Variants in NAALADL2 observed in about 807,000 individuals in gnomAD.
NAALADL2 encodes inactive N-acetylated-alpha-linked acidic dipeptidase-like protein 2.
NAALADL2 carries 76 observed loss-of-function variants against 87.2 expected under a neutral mutation model. That is an observed-to-expected ratio of 0.87 (90% CI 0.72 to 1.05). The LOEUF (loss-of-function observed/expected upper bound fraction) is 1.05, where lower values mean the gene tolerates loss of function less well. NAALADL2 is among the 50% of genes least tolerant of loss of function. The pLI, the probability that NAALADL2 is intolerant of heterozygous loss-of-function variation, is 0.00. For synonymous variants in NAALADL2, 354 were observed against 331.0 expected (o/e 1.07, Z -0.75); for missense variants, 1,089 against 945.8 (o/e 1.15, Z -1.99).
At chr3:174,595,142 C>A (rs1717756594) in intron 2 of NAALADL2, among the ~76,000 whole-genome samples, 1 of 152,136 alleles carries the variant, frequency 6.6e-6, no homozygotes, top group Admixed American at 6.5e-5. Flanking sequence ...TCACTAAATG[C>A]ACAGTTGAGA....
chr3:175,370,361 C>G (rs1031190952), intron 5 of NAALADL2, among the ~76,000 whole-genome samples: 1 of 151,942 alleles, frequency 6.6e-6, no homozygotes, highest in South Asian at 2.1e-4. Context: ...ATGTTAGAAA[C>G]TTATTTTATA....
chr3:175,441,399 G>A (rs1719733460), intron 5 of NAALADL2, among the ~76,000 whole-genome samples: 1 of 152,138 alleles, frequency 6.6e-6, no homozygotes, highest in Non-Finnish European at 1.5e-5. Flanking sequence ...AGCATATGCA[G>A]AATTTGGTAT....
intron 9 of NAALADL2, among the ~76,000 whole-genome samples, chr3:175,517,726 A>G (rs1428357498): frequency 6.6e-6 from 1 of 152,022 alleles, no homozygotes. Flanking sequence ...TGAGTTTAGG[A>G]GTAGAGTCTC....
At chr3:174,879,349 T>C (rs1290073064) in intron 1 of NAALADL2, among the ~76,000 whole-genome samples, 1 of 152,076 alleles carries the variant, frequency 6.6e-6, no homozygotes, top group Non-Finnish European at 1.5e-5. Context: ...TCATTGTAGA[T>C]TGGCACAATA....
At chr3:175,266,611 T>A (rs1411717754) in intron 4 of NAALADL2, among the ~76,000 whole-genome samples, 1 of 151,754 alleles carries the variant, frequency 6.6e-6, no homozygotes, top group African/African-American at 2.4e-5. Flanking sequence ...CATAAGTAGA[T>A]AAAATACTCC....
chr3:175,235,588 T>G (rs1263503793), intron 3 of NAALADL2: 3 of 152,248 alleles, frequency 2.0e-5, no homozygotes, highest in African/African-American at 7.2e-5. Context: ...GCCAAGACTC[T>G]AAAAGTTACC....
chr3:174,830,658 C>T (rs912191808), intron 3 of NAALADL2, among the ~76,000 whole-genome samples: 6 of 152,054 alleles, frequency 3.9e-5, no homozygotes, highest in African/African-American at 9.7e-5. Flanking sequence ...GCATTGGTAG[C>T]TTGATGGGGA....
At chr3:175,470,528 T>G (rs986432947) in intron 8 of NAALADL2, among the ~76,000 whole-genome samples, 8 of 152,178 alleles carry the variant, frequency 5.3e-5, no homozygotes, top group African/African-American at 1.9e-4. Flanking sequence ...AGGATGACAT[T>G]ATCTATTTGG....
At chr3:175,262,778 T>C (rs1250204171) in intron 4 of NAALADL2, among the ~76,000 whole-genome samples, 1 of 151,958 alleles carries the variant, frequency 6.6e-6, no homozygotes, top group Non-Finnish European at 1.5e-5. Context: ...TCTATGAATA[T>C]TTTACATGAA....
intron 5 of NAALADL2, among the ~76,000 whole-genome samples, chr3:175,382,428 C>T (rs950162826): frequency 7.9e-5 from 12 of 151,510 alleles, no homozygotes; most frequent in African/African-American, 2.9e-4. Context: ...AACTCTTAAA[C>T]ACTGCACATA....
At position 175,801,869 on chromosome 3, in the gene NAALADL2, C is replaced by A. The variant is rs147248818; in HGVS notation, c.2190-1136C>A. On this transcript the variant is annotated intron_variant, in intron 13 of 13. Coordinates refer to ENST00000454872, the MANE Select transcript of NAALADL2 (RefSeq NM_207015.3). ...GGGACTGTTTTAGACTTTCCCAAAT[C>A]AAATTTCTCCTTCTCAGCAATTTGA... 1.0e-3 allele frequency among the ~76,000 whole-genome samples: 157 copies of A among 152,180 alleles called. 3 individuals are homozygous for A. The South Asian group carries it at 0.016, about 16-fold the overall frequency.
intron 13 of NAALADL2, among the ~76,000 whole-genome samples, chr3:175,780,018 C>G (rs1750800690): frequency 6.6e-6 from 1 of 151,868 alleles, no homozygotes; most frequent in Admixed American, 6.6e-5. Context: ...CCTGTAATCC[C>G]AGCACTCTGG....
intron 10 of NAALADL2, among the ~76,000 whole-genome samples, chr3:175,578,074 G>C (rs1719164048): frequency 6.6e-6 from 1 of 151,926 alleles, no homozygotes. Context: ...CATGTTAATG[G>C]TCCAGTTACA....
At position 175,732,265 on chromosome 3, in the gene NAALADL2, T is replaced by TG. The variant is rs566491302; in HGVS notation, c.1897-5034dup. On this transcript the variant is annotated intron_variant, in intron 11 of 13. Coordinates refer to ENST00000454872, the MANE Select transcript of NAALADL2 (RefSeq NM_207015.3). ...ATAGTTATTTATTTCATGTGCATGA[T>TG]GGGGGGGATGCATAGGATTACGCAA... Among the ~76,000 whole-genome samples the TG allele has an allele frequency of 2.7e-3, 413 of 152,152 alleles. 1 individual carries two copies. The highest frequency in any genetic ancestry group is 9.2e-3 in the African/African-American group (383 of 41,502).
At chr3:174,973,564 A>G (rs561394983) in intron 1 of NAALADL2, among the ~76,000 whole-genome samples, 11 of 152,220 alleles carry the variant, frequency 7.2e-5, no homozygotes, top group Admixed American at 2.6e-4. Flanking sequence ...TTAAGTTAAC[A>G]CAAAGTCATG....
At chr3:175,602,552 G>A (rs1265123389) in intron 10 of NAALADL2, among the ~76,000 whole-genome samples, 1 of 151,806 alleles carries the variant, frequency 6.6e-6, no homozygotes, top group African/African-American at 2.4e-5. Flanking sequence ...CTATATATAT[G>A]TCCCAATAAA....
chr3:175,053,679 C>G (rs1301663226), intron 1 of NAALADL2, among the ~76,000 whole-genome samples: 2 of 152,196 alleles, frequency 1.3e-5, no homozygotes, highest in African/African-American at 4.8e-5. Context: ...TCCACACATA[C>G]ATGTAACATG....
intron 2 of NAALADL2, among the ~76,000 whole-genome samples, chr3:175,195,376 T>A (rs886221748): frequency 2.0e-5 from 3 of 151,746 alleles, no homozygotes; most frequent in African/African-American, 7.2e-5. Context: ...GATGAAACGT[T>A]ATGAAAAAAT....
chr3:174,812,722 A>C (rs1720353169), intron 3 of NAALADL2, among the ~76,000 whole-genome samples: 1 of 152,168 alleles, frequency 6.6e-6, no homozygotes, highest in Admixed American at 6.6e-5. Flanking sequence ...AATACTGATG[A>C]TGCTGATCTC....
Sources: gnomAD v4.1 joint callset for allele counts (sites outside exome capture counted in the v4.1 genomes callset) on GRCh38, gnomAD v4.1.1 for gene constraint, MANE v1.5 for transcripts, NCBI Gene and HGNC (gene_info 2026-07-23, HGNC 2026-07-21) for gene names.